CWC27: variants seen among roughly 807,000 people sequenced by gnomAD.
CWC27 encodes CWC27 spliceosome associated cyclophilin.
A neutral mutation model predicts 63.6 loss-of-function variants in CWC27; 47 were observed. The observed-to-expected ratio is 0.74, with a 90% CI of 0.58 to 0.94. The LOEUF (loss-of-function observed/expected upper bound fraction) is 0.94. Among genes scored for constraint, CWC27 ranks in the 40% least tolerant of loss-of-function variants. CWC27 has a pLI of 0.00. For synonymous variants in CWC27, 175 were observed against 179.8 expected, an observed-to-expected ratio of 0.97 and a Z score of 0.22; for missense variants, 495 against 554.3, an observed-to-expected ratio of 0.89 and a Z score of 1.07.
chr5:64,836,801 T>G (rs562415426), intron 10 of CWC27, among the ~76,000 whole-genome samples: 3 of 152,144 alleles, frequency 2.0e-5, no homozygotes, highest in African/African-American at 7.2e-5. Flanking sequence ...AAAGCCTTGG[T>G]TACTTTTCAG....
chr5:64,929,488 G>A (rs913332414), intron 11 of CWC27, among the ~76,000 whole-genome samples: 9 of 152,110 alleles, frequency 5.9e-5, no homozygotes, highest in African/African-American at 2.2e-4. Flanking sequence ...TTGGGTTTCA[G>A]ATAATTGAGA....
chr5:64,872,853 T>G (rs1482770511), intron 10 of CWC27, among the ~76,000 whole-genome samples: 1 of 152,148 alleles, frequency 6.6e-6, no homozygotes, highest in African/African-American at 2.4e-5. Context: ...ACAACAAAAT[T>G]TCTCCTCTTC....
chr5:64,959,485 T>C (rs1181576797), intron 11 of CWC27, among the ~76,000 whole-genome samples: 3 of 152,160 alleles, frequency 2.0e-5, no homozygotes, highest in African/African-American at 4.8e-5. Context: ...TTATCACCAG[T>C]AGCTCCTCAG....
chr5:64,914,269 A>G (rs1747845766), intron 11 of CWC27, among the ~76,000 whole-genome samples: 1 of 152,160 alleles, frequency 6.6e-6, no homozygotes. Context: ...AAGGATTAAG[A>G]TATAAGAAGA....
chr5:64,968,827 AC>A (rs773804270), intron 11 of CWC27, among the ~76,000 whole-genome samples: 7 of 152,222 alleles, frequency 4.6e-5, no homozygotes, highest in Non-Finnish European at 1.0e-4. Context: ...AGTGAGTTTT[AC>A]TATATGTAAT....
At chr5:64,856,185 T>G (rs1746253676) in intron 10 of CWC27, among the ~76,000 whole-genome samples, 1 of 152,122 alleles carries the variant, frequency 6.6e-6, no homozygotes, top group Non-Finnish European at 1.5e-5. Context: ...GCCAATTTTA[T>G]CACTAGCACC....
intron 2 of CWC27, among the ~76,000 whole-genome samples, chr5:64,776,375 A>T (rs757606669): frequency 1.3e-5 from 2 of 152,180 alleles, no homozygotes; most frequent in Admixed American, 6.5e-5. Context: ...ATCCATGACC[A>T]GGTGAATGGA....
At chr5:64,875,225 T>C (rs1398382616) in intron 10 of CWC27, among the ~76,000 whole-genome samples, 1 of 152,146 alleles carries the variant, frequency 6.6e-6, no homozygotes, top group Non-Finnish European at 1.5e-5. Flanking sequence ...TCTAATCTTT[T>C]CATTAAAAAT....
chr5:64,779,246 C>A (rs1026576893), intron 2 of CWC27, among the ~76,000 whole-genome samples: 2 of 152,168 alleles, frequency 1.3e-5, no homozygotes, highest in Non-Finnish European at 2.9e-5. Flanking sequence ...TCAGTGAAAT[C>A]TTTAGGGAAC....
intron 11 of CWC27, among the ~76,000 whole-genome samples, chr5:64,896,324 G>A (rs1009612048): frequency 3.3e-5 from 5 of 152,166 alleles, no homozygotes; most frequent in South Asian, 2.1e-4. Flanking sequence ...AAAGTTAGGT[G>A]AGCCCAGATG....
At chr5:64,916,129 T>G (rs1747883517) in intron 11 of CWC27, among the ~76,000 whole-genome samples, 1 of 152,230 alleles carries the variant, frequency 6.6e-6, no homozygotes, top group Admixed American at 6.5e-5. Flanking sequence ...CCACTAAAGA[T>G]TTTCCCGTTC....
At chr5:64,911,728 A>G (rs1037621145) in intron 11 of CWC27, among the ~76,000 whole-genome samples, 1 of 152,144 alleles carries the variant, frequency 6.6e-6, no homozygotes, top group East Asian at 1.9e-4. Context: ...AATATATCTC[A>G]CTTTGGGTCT....
At chr5:64,771,182 A>G (rs1274114422) in intron 1 of CWC27, among the ~76,000 whole-genome samples, 1 of 152,256 alleles carries the variant, frequency 6.6e-6, no homozygotes, top group Non-Finnish European at 1.5e-5. Flanking sequence ...CATCAAAGAT[A>G]TTAAAGCTTC....
intron 11 of CWC27, among the ~76,000 whole-genome samples, chr5:64,951,223 C>T (rs138524912): frequency 0.017 from 2,618 of 151,856 alleles, 21 homozygotes; most frequent in Non-Finnish European, 0.025. Flanking sequence ...GCATCAAATC[C>T]TTGTCAATTA....
intron 11 of CWC27, among the ~76,000 whole-genome samples, chr5:64,922,139 TG>T (rs549118783): frequency 1.1e-3 from 168 of 152,260 alleles, no homozygotes; most frequent in Middle Eastern, 0.01. Flanking sequence ...AGCTTCTCAC[TG>T]GGGTTCTCTG....
At chr5:65,016,422 T>G (rs2968207) in intron 13 of CWC27, among the ~76,000 whole-genome samples, 131,298 of 151,998 alleles carry the variant, frequency 0.86, 56,871 homozygotes, top group African/African-American at 0.93. Context: ...GTTCACTTGA[T>G]CCCAGGAGTT....
chr5:64,804,442 A>G, intron 10 of CWC27, 56 bp downstream of exon 10: 1 of 1,457,962 alleles, frequency 6.9e-7, no homozygotes. Context: ...ATTTCACTTT[A>G]ATTCAGATTG....
chr5:64,827,632 T>A (rs1745398764), intron 10 of CWC27, among the ~76,000 whole-genome samples: 1 of 152,168 alleles, frequency 6.6e-6, no homozygotes, highest in African/African-American at 2.4e-5. Flanking sequence ...TTTACCAGAT[T>A]GTTGTAATGC....
At chr5:64,941,948 A>G (rs1034189538) in intron 11 of CWC27, among the ~76,000 whole-genome samples, 1 of 152,006 alleles carries the variant, frequency 6.6e-6, no homozygotes, top group Non-Finnish European at 1.5e-5. Context: ...TAATGTACAA[A>G]AATCACCAAT....
Sources: gnomAD v4.1 joint callset for allele counts (sites outside exome capture counted in the v4.1 genomes callset) on GRCh38, gnomAD v4.1.1 for gene constraint, MANE v1.5 for transcripts, NCBI Gene and HGNC (gene_info 2026-07-23, HGNC 2026-07-21) for gene names.